Variants in KLC3 observed in about 807,000 individuals in gnomAD.
KLC3 encodes kinesin light chain 3.
In KLC3, 72 loss-of-function variants were observed where a neutral mutation model predicts 62.9. The observed-to-expected ratio is 1.15, with a 90% CI of 0.95 to 1.39. The LOEUF (loss-of-function observed/expected upper bound fraction) is 1.39. KLC3 is among the 40% of genes most tolerant of loss of function. The pLI is 0.00. For synonymous variants in KLC3, 377 were observed against 300.5 expected (o/e 1.25, Z -2.63); for missense variants, 848 against 691.6 (o/e 1.23, Z -2.54).
At chr19:45,351,084 C>CA (rs1971741774) in intron 12 of KLC3, 67 bp downstream of exon 12, 3 of 1,612,678 alleles carry the variant, frequency 1.9e-6, no homozygotes, top group East Asian at 4.5e-5. Flanking sequence ...GAGGCAAAGG[C>CA]AGGGCGGTCG....
In KLC3 at chr19:45,346,469, C is replaced by T. The variant is rs551031795; in HGVS notation, c.259-75C>T. Reference sequence around the variant, plus strand: ...AGTAGTGGGGTGCTACGGCCTGACTCGAGGCCTGGGCTGGGTCAGGGGCCG... The same window carrying T: ...AGTAGTGGGGTGCTACGGCCTGACTTGAGGCCTGGGCTGGGTCAGGGGCCG... On this transcript the variant is annotated intron_variant, in intron 2 of 12. Coordinates refer to ENST00000391946, the MANE Select transcript of KLC3 (RefSeq NM_177417.3). 39 of 1,286,910 alleles carry T rather than the reference C, an allele frequency of 3.0e-5. 2 individuals carry two copies. Among genetic ancestry groups the T allele is most frequent in the African/African-American group, 2.5e-4 (17 of 67,830 alleles). 79.7% of individuals were successfully genotyped at this position (1,286,910 alleles called of 1,614,324 possible).
chr19:45,347,094 A>T (rs993555652), intron 3 of KLC3: 57 of 412,298 alleles, frequency 1.4e-4, no homozygotes, highest in Non-Finnish European at 3.9e-5. Flanking sequence ...TGTAATCCCA[A>T]CACTTTGGGA....
rs201117856 is a variant in KLC3 at position 45,346,754 on chromosome 19, G to A, written c.469G>A (p.Asp157Asn). 89 of 1,584,704 alleles carry A rather than the reference G, an allele frequency of 5.6e-5. 1 individual carries two copies. The African/African-American group carries it at 9.3e-4, about 17-fold the overall frequency. Residue 157 changes from aspartate (D) to asparagine (N), a missense_variant, in exon 3 of 13, where the codon GAC (aspartate) becomes AAC (asparagine). Transcript: ENST00000391946. ...LEFLGQLRQY[D>N]PPAESQQSES... ...GTTCCTGGGGCAGCTGCGACAGTAC[G>A]ACCCACCGGCGGAGAGCCAGGTGCC...
At chr19:45,345,479 G>GC (rs1167691540) in intron 1 of KLC3, 55 bp from the exon 2 acceptor site, 1 of 1,549,770 alleles carries the variant, frequency 6.5e-7, no homozygotes. Flanking sequence ...GAGGCTGGGG[G>GC]CCAACTGACT....
Position 45,348,146 on chromosome 19 carries a change from G to A in KLC3, c.765G>A (p.Leu255=). Residue 255 remains leucine (L), a synonymous_variant, in exon 5 of 13, where the codon CTG becomes CTA. Coordinates refer to ENST00000391946, the MANE Select transcript of KLC3 (RefSeq NM_177417.3). ...HPDVATMLNI[L]ALVYRDQNKY... is the part of the protein sequence containing the mutation. ...ACGTGGCCACCATGCTCAACATCCTGGCGCTGGTGTACCGGTGAGCACTGC... is the reference window on the plus strand; with the variant it reads ...ACGTGGCCACCATGCTCAACATCCTAGCGCTGGTGTACCGGTGAGCACTGC... 5 of 1,593,096 alleles carry A rather than the reference G, an allele frequency of 3.1e-6. No individual in the cohort carries two copies. Among genetic ancestry groups the A allele is most frequent in the Non-Finnish European group, 4.3e-6 (5 of 1,169,178 alleles).
intron 3 of KLC3, 153 bp downstream of exon 3, chr19:45,346,927 T>TCCTTAGAATC: frequency 2.7e-6 from 1 of 368,016 alleles, no homozygotes; most frequent in Non-Finnish European, 4.2e-6. Context: ...CCCCCAACCC[T>TCCTTAGAATC]CCACAGAGCC....
intron 8 of KLC3, 48 bp from the exon 9 acceptor site, chr19:45,350,293 G>T (rs756978100): frequency 1.9e-5 from 26 of 1,372,812 alleles, no homozygotes; most frequent in Non-Finnish European, 2.6e-5. Context: ...TGGATGCAGT[G>T]TTGGGAACTG....
At position 45,347,936 on chromosome 19, in the gene KLC3, C is replaced by A. The variant is rs1216396072; in HGVS notation, c.560-5C>A. The stretch of plus-strand genomic sequence containing the variant: ...GTGACCCAGAGCCCACCCCACCCCA[C>A]CTAGGTCCTGAGGCCGCAGGAGCAG... On this transcript the variant is annotated splice_region_variant and splice_polypyrimidine_tract_variant and intron_variant, in intron 4 of 12. Coordinates refer to ENST00000391946, the MANE Select transcript of KLC3 (RefSeq NM_177417.3). 1.3e-6 allele frequency: 2 copies of A among 1,597,504 alleles called. No individual in the cohort carries two copies. Among genetic ancestry groups the A allele is most frequent in the African/African-American group, 2.7e-5 (2 of 74,624 alleles).
chr19:45,349,632 A>C, intron 8 of KLC3, 30 bp downstream of exon 8: 5 of 1,495,906 alleles, frequency 3.3e-6, no homozygotes, highest in South Asian at 1.2e-5. Flanking sequence ...GAGTGGGCCA[A>C]GAGTGGAGGG....
At position 45,348,809 on chromosome 19, in the gene KLC3, C is replaced by A; in HGVS notation, c.868-11C>A. 1 of 1,563,172 alleles carries A rather than the reference C, an allele frequency of 6.4e-7. No individual in the cohort carries two copies. The highest frequency in any genetic ancestry group is 8.7e-7 in the Non-Finnish European group (1 of 1,153,546). ...GCCCATCCCTGACCTGTGCCTCCCC[C>A]AACCCCGCAGGTGGCCGCCACGCTC... On this transcript the variant is annotated splice_polypyrimidine_tract_variant and intron_variant, in intron 6 of 12. Coordinates refer to ENST00000391946, the MANE Select transcript of KLC3 (RefSeq NM_177417.3).
At chr19:45,341,444 T>C (rs1599831304) in intron 1 of KLC3, among the ~76,000 whole-genome samples, 1 of 151,698 alleles carries the variant, frequency 6.6e-6, no homozygotes, top group African/African-American at 2.4e-5. Flanking sequence ...CTGATGTGCA[T>C]GTGTGTGGCT....
chr19:45,344,464 C>A (rs1971449638), intron 1 of KLC3, among the ~76,000 whole-genome samples: 2 of 151,548 alleles, frequency 1.3e-5, no homozygotes, highest in Admixed American at 6.6e-5. Flanking sequence ...AGTGATTTAC[C>A]CACCTTGGCC....
Position 45,346,605 on chromosome 19 carries a change from C to A in KLC3, c.320C>A (p.Ser107Ter). The stretch of plus-strand genomic sequence containing the variant: ...GAGGCAGAGAAGCAGCGGCTGCGCT[C>A]GCAGGCCCGGCGGCTGGCCCAGGAG... ...ALEAEKQRLR[S>*]QARRLAQENV... The change falls in exon 3 of 13, where the codon TCG (serine) becomes TAG (stop). Residue 107 changes from serine (S) to a stop codon, truncating the protein, a stop_gained. Coordinates refer to ENST00000391946, the MANE Select transcript of KLC3 (RefSeq NM_177417.3). LOFTEE classifies it high-confidence loss of function. 2 of 1,550,142 alleles carry A rather than the reference C, an allele frequency of 1.3e-6. No homozygotes were observed. The highest frequency in any genetic ancestry group is 1.7e-6 in the Non-Finnish European group (2 of 1,146,858).
intron 12 of KLC3, 47 bp downstream of exon 12, chr19:45,351,064 G>A: frequency 1.9e-6 from 3 of 1,613,856 alleles, no homozygotes; most frequent in Non-Finnish European, 8.5e-7. Flanking sequence ...ATGTGGGTAG[G>A]TGCAGAGATG....
rs1179702916 is a variant in KLC3, at chr19:45,350,557, G to A, written c.1272+6G>A. 6.2e-7 allele frequency: 1 copy of A among 1,613,980 alleles called. No homozygotes were observed. The highest frequency in any genetic ancestry group is 8.5e-7 in the Non-Finnish European group (1 of 1,179,964). ...CAGCTGGTGACGCAGAACAGGTGAG[G>A]ATGGGCTGTGCTTCGGCTCCTGGGG... On this transcript the variant is annotated splice_donor_region_variant and intron_variant, in intron 10 of 12. Coordinates refer to ENST00000391946, the MANE Select transcript of KLC3 (RefSeq NM_177417.3).
rs750671148 is a variant in KLC3 at position 45,350,561 on chromosome 19, G to C, written c.1272+10G>C. Reference sequence around the variant, plus strand: ...TGGTGACGCAGAACAGGTGAGGATGGGCTGTGCTTCGGCTCCTGGGGTGGG... The same window carrying C: ...TGGTGACGCAGAACAGGTGAGGATGCGCTGTGCTTCGGCTCCTGGGGTGGG... On this transcript the variant is annotated intron_variant, in intron 10 of 12. Transcript: ENST00000391946. The C allele has an allele frequency of 1.2e-6, 2 of 1,613,948 alleles. No individual in the cohort carries two copies. The highest frequency in any genetic ancestry group is 2.2e-5 in the South Asian group (2 of 91,064).
Position 45,345,603 on chromosome 19 carries a change from A to G in KLC3, c.62A>G (p.Glu21Gly). 1 of 1,577,448 alleles carries G rather than the reference A, an allele frequency of 6.3e-7. No individual in the cohort carries two copies. The change falls in exon 2 of 13, where the codon GAG becomes GGG. Residue 21 changes from glutamate (E) to glycine (G), a missense_variant. Glu to Gly is a moderately conservative substitution (Grantham distance 98). Transcript: ENST00000391946. Reference sequence around the variant, plus strand: ...CTGGGCCCAGAGCGCCTGAGCCCTGAGGAGCTGGTGCGGCAGACGCGGCAA... The same window carrying G: ...CTGGGCCCAGAGCGCCTGAGCCCTGGGGAGCTGGTGCGGCAGACGCGGCAA... ...AGLGPERLSPEELVRQTRQVV... is the reference protein window; with the variant it reads ...AGLGPERLSPGELVRQTRQVV...
chr19:45,343,199 T>C (rs1241873772), intron 1 of KLC3, among the ~76,000 whole-genome samples: 5 of 152,048 alleles, frequency 3.3e-5, no homozygotes, highest in Admixed American at 3.3e-4. Context: ...GTTGGCTGCT[T>C]GGGAGCCATG....
intron 1 of KLC3, among the ~76,000 whole-genome samples, chr19:45,341,358 G>A (rs918153764): frequency 2.0e-5 from 3 of 152,170 alleles, no homozygotes; most frequent in Admixed American, 6.6e-5. Flanking sequence ...CTGGAATGGT[G>A]TGTGTGTAGA....
Sources: gnomAD v4.1 joint callset for allele counts (sites outside exome capture counted in the v4.1 genomes callset) on GRCh38, gnomAD v4.1.1 for gene constraint, MANE v1.5 for transcripts, NCBI Gene and HGNC (gene_info 2026-07-23, HGNC 2026-07-21) for gene names.